Variants in DGAT2 observed in about 807,000 individuals in gnomAD.
DGAT2 encodes the protein acyl-CoA retinol O-fatty-acyltransferase.
Under a neutral mutation model 48.4 loss-of-function variants are expected in DGAT2, and 33 were observed. That is an observed-to-expected ratio of 0.68 (90% CI 0.52 to 0.91). The LOEUF is 0.91. Ranked by LOEUF, DGAT2 falls within the 40% of genes least tolerant of loss-of-function variation. The pLI, the probability that DGAT2 is intolerant of heterozygous loss-of-function variation, is 0.00. For missense variants in DGAT2, 446 were observed against 493.7 expected (o/e 0.90, Z 0.92); for synonymous variants, 191 against 194.1 (o/e 0.98, Z 0.13).
At chr11:75,782,491 G>T (rs1299911590) in intron 1 of DGAT2, among the ~76,000 whole-genome samples, 1 of 152,180 alleles carries the variant, frequency 6.6e-6, no homozygotes, top group African/African-American at 2.4e-5. Context: ...GGTGGCCATG[G>T]CTCCTGCTTC....
intron 2 of DGAT2, 51 bp downstream of exon 2, chr11:75,784,797 C>G: frequency 6.2e-7 from 1 of 1,610,894 alleles, no homozygotes; most frequent in Non-Finnish European, 8.5e-7. Flanking sequence ...GTCCACTTCC[C>G]CAAAAGAGGT....
chr11:75,796,608 A>G, intron 5 of DGAT2, 76 bp downstream of exon 5: 1 of 1,471,286 alleles, frequency 6.8e-7, no homozygotes, highest in Non-Finnish European at 9.3e-7. Context: ...AGGGTGACAC[A>G]GGGAGCCAAC....
chr11:75,770,103 C>T (rs1459958937), intron 1 of DGAT2, among the ~76,000 whole-genome samples: 1 of 152,150 alleles, frequency 6.6e-6, no homozygotes, highest in Non-Finnish European at 1.5e-5. Flanking sequence ...TTTAGTATAT[C>T]TCTTGATCAT....
At chr11:75,770,303 A>G (rs1258127096) in intron 1 of DGAT2, among the ~76,000 whole-genome samples, 2 of 151,998 alleles carry the variant, frequency 1.3e-5, no homozygotes, top group East Asian at 3.9e-4. Context: ...AGGCATTGGC[A>G]TTGCTTCTTG....
intron 3 of DGAT2, 105 bp from the exon 4 acceptor site, chr11:75,790,556 C>A: frequency 9.5e-7 from 1 of 1,054,226 alleles, no homozygotes; most frequent in Non-Finnish European, 1.5e-6. Context: ...GGGCATGGTG[C>A]ATGGGGTGAT....
rs1944724969 is a variant in DGAT2, at chr11:75,768,782, C to T, written c.-210C>T. ...GTTGCGCTCCGGGACGCCAGCGCCG[C>T]GGCTGCCGCCTCTGCTGGGGTCTAG... On this transcript the variant is annotated 5_prime_UTR_variant, in exon 1 of 8. Transcript: ENST00000228027. 1.0e-5 allele frequency: 5 copies of T among 495,690 alleles called. No individual in the cohort carries two copies. The highest frequency in any genetic ancestry group is 1.3e-5 in the Non-Finnish European group (4 of 311,712). The allele number at this position is 495,690 out of a possible 1,614,324, so 30.7% of individuals were successfully genotyped here. A position where few individuals can be genotyped will look rare whatever the true frequency, so the allele number is the denominator to read the frequency against.
At chr11:75,791,051 T>C (rs1011001936) in intron 4 of DGAT2, among the ~76,000 whole-genome samples, 1 of 152,206 alleles carries the variant, frequency 6.6e-6, no homozygotes, top group Non-Finnish European at 1.5e-5. Flanking sequence ...TCCTGGTGAA[T>C]TGAGGATAAC....
At chr11:75,784,378 G>A (rs1035621106) in intron 1 of DGAT2, 9 of 397,904 alleles carry the variant, frequency 2.3e-5, no homozygotes, top group Admixed American at 1.5e-4. Flanking sequence ...AAATGACCCC[G>A]AGTGCGATAC....
In DGAT2 at chr11:75,772,020, C is replaced by A. The variant is rs559299556; in HGVS notation, c.121+2908C>A. Among the ~76,000 whole-genome samples, 5 of 152,294 alleles carry A rather than the reference C, an allele frequency of 3.3e-5. No homozygotes were observed. The East Asian group carries it at 9.6e-4, about 29-fold the overall frequency. On this transcript the variant is annotated intron_variant, in intron 1 of 7. Transcript: ENST00000228027. ...CTTTCCCAGGGTTATCAAAGCCAGG[C>A]TAGAACTCAGATCCATCTCCCAGTC...
intron 4 of DGAT2, 73 bp downstream of exon 4, chr11:75,790,804 C>G: frequency 1.3e-6 from 2 of 1,527,678 alleles, no homozygotes; most frequent in Non-Finnish European, 1.8e-6. Context: ...TTAACCCACC[C>G]ACAGGGAAGC....
chr11:75,797,247 G>A lies in DGAT2; in HGVS notation c.724G>A (p.Ala242Thr). Residue 242 changes from alanine to threonine, a missense_variant, in exon 6 of 8, where the codon GCT becomes ACT. Transcript: ENST00000228027. ...TATCATCATCGTGGTCGGGGGTGCG[G>A]CTGAGTCTCTGAGCTCCATGCCTGG... ...NAIIIVVGGA[A>T]ESLSSMPGKN... 1 of 1,582,488 alleles carries A rather than the reference G, an allele frequency of 6.3e-7. No individual in the cohort carries two copies. The highest frequency in any genetic ancestry group is 1.8e-5 in the Admixed American group (1 of 56,216).
chr11:75,775,659 A>G (rs774580490), intron 1 of DGAT2, among the ~76,000 whole-genome samples: 17 of 151,978 alleles, frequency 1.1e-4, no homozygotes, highest in African/African-American at 2.9e-4. Context: ...CTGTTTCTCT[A>G]CTTTTCCAAC....
Position 75,800,481 on chromosome 11 carries a change from G to A in DGAT2, c.1140G>A (p.Pro380=), listed in dbSNP as rs769841777. The part of the protein sequence containing the change: ...FDKHKTKFGL[P]ETEVLEVN The stretch of plus-strand genomic sequence containing the variant: ...AGCACAAGACCAAGTTCGGCCTCCC[G>A]GAGACTGAGGTCCTGGAGGTGAACT... The change falls in exon 8 of 8, where the codon CCG becomes CCA. Residue 380 remains proline (P), a synonymous_variant. Transcript: ENST00000228027. 59 of 1,614,058 alleles carry A rather than the reference G, an allele frequency of 3.7e-5. No individual in the cohort carries two copies. The highest frequency in any genetic ancestry group is 1.7e-4 in the Middle Eastern group (1 of 6,060).
intron 1 of DGAT2, among the ~76,000 whole-genome samples, chr11:75,780,662 C>T (rs1195359827): frequency 6.6e-6 from 1 of 152,210 alleles, no homozygotes; most frequent in Non-Finnish European, 1.5e-5. Context: ...CCACCACTGC[C>T]CCCTGCTTTG....
intron 2 of DGAT2, 53 bp from the exon 3 acceptor site, chr11:75,790,135 C>T (rs1944969005): frequency 7.5e-7 from 1 of 1,330,774 alleles, no homozygotes; most frequent in Admixed American, 1.7e-5. Flanking sequence ...CACCATGGCC[C>T]AGAGGGGAGA....
intron 7 of DGAT2, 73 bp downstream of exon 7, chr11:75,798,502 G>A (rs1590877905): frequency 5.2e-6 from 8 of 1,537,574 alleles, no homozygotes; most frequent in East Asian, 2.3e-5. Context: ...CAGTAGAGAC[G>A]GGATTCCAAT....
chr11:75,782,954 C>G (rs1415190072), intron 1 of DGAT2, among the ~76,000 whole-genome samples: 1 of 152,194 alleles, frequency 6.6e-6, no homozygotes, highest in African/African-American at 2.4e-5. Flanking sequence ...CCAGAGGGCT[C>G]TCAGGCTCTA....
chr11:75,788,378 A>G (rs1355433201), intron 2 of DGAT2, among the ~76,000 whole-genome samples: 1 of 152,160 alleles, frequency 6.6e-6, no homozygotes, highest in Non-Finnish European at 1.5e-5. Context: ...TAGGCTGCAC[A>G]TGCTTCCCTA....
rs1410033110 is a variant in DGAT2, at chr11:75,800,949, T to C, written c.*441T>C. 5.5e-6 allele frequency: 1 copy of C among 181,788 alleles called. No individual in the cohort carries two copies. The highest frequency in any genetic ancestry group is 1.2e-5 in the Non-Finnish European group (1 of 86,900). The allele number at this position is 181,788 out of a possible 1,614,324, so 11.3% of individuals were successfully genotyped here. On this transcript the variant is annotated 3_prime_UTR_variant, in exon 8 of 8. Coordinates refer to ENST00000228027, the MANE Select transcript of DGAT2 (RefSeq NM_032564.5). ...GTCCTGAAACTGCAGGACCAGTTTC[T>C]CTGCCAAGGGGAGGAGTTGGAGAGC...
Sources: allele counts gnomAD v4.1 joint callset (sites outside exome capture counted in the v4.1 genomes callset), GRCh38; gene constraint gnomAD v4.1.1; transcripts MANE v1.5; gene names NCBI Gene and HGNC (gene_info 2026-07-23, HGNC 2026-07-21).